KCNMA1: variants seen among roughly 807,000 people sequenced by gnomAD.
KCNMA1 encodes potassium calcium-activated channel subfamily M alpha 1.
KCNMA1 carries 29 observed loss-of-function variants against 140.0 expected under a neutral mutation model. The ratio of observed to expected loss-of-function variants is 0.21; its 90% CI spans 0.15 to 0.28. The LOEUF (loss-of-function observed/expected upper bound fraction) is 0.28. Ranked by LOEUF, KCNMA1 falls within the 10% of genes least tolerant of loss-of-function variation. KCNMA1 has a pLI of 1.00. For missense variants in KCNMA1, 880 were observed against 1,602.2 expected, an observed-to-expected ratio of 0.55 and a Z score of 7.70; for synonymous variants, 612 against 611.9, an observed-to-expected ratio of 1.00 and a Z score of 0.00.
chr10:77,517,357 A>G (rs975846639), intron 1 of KCNMA1, among the ~76,000 whole-genome samples: 4 of 152,178 alleles, frequency 2.6e-5, no homozygotes, highest in African/African-American at 9.7e-5. Context: ...TGAGCCTCTC[A>G]GGCCCCCTGG....
At chr10:77,634,596 G>C in intron 1 of KCNMA1, 7 of 985,174 alleles carry the variant, frequency 7.1e-6, no homozygotes, top group Non-Finnish European at 8.4e-6. Context: ...AACCATCTTG[G>C]GGCTGAAGGA....
Position 77,244,000 on chromosome 10 carries a change from GC to G in KCNMA1, c.602+7194del, listed in dbSNP as rs377743708. Among the ~76,000 whole-genome samples, 40 of 152,268 alleles carry G rather than the reference GC, an allele frequency of 2.6e-4. 1 individual carries two copies. The highest frequency in any genetic ancestry group is 8.9e-4 in the African/African-American group (37 of 41,556). On this transcript the variant is annotated intron_variant, in intron 3 of 27. Coordinates refer to ENST00000286628, the MANE Select transcript of KCNMA1 (RefSeq NM_001161352.2). ...GGGATTATCTTTGTTCTTTCCCATG[GC>G]CCTAAAGTTTCCCCCATGATAAGGG...
chr10:77,615,956 A>G (rs2089310331), intron 1 of KCNMA1, among the ~76,000 whole-genome samples: 1 of 152,114 alleles, frequency 6.6e-6, no homozygotes, highest in Non-Finnish European at 1.5e-5. Context: ...ATGCTATTAT[A>G]CTCACAAAAC....
chr10:77,328,873 C>T (rs950857566), intron 2 of KCNMA1, among the ~76,000 whole-genome samples: 9 of 152,036 alleles, frequency 5.9e-5, no homozygotes, highest in African/African-American at 2.2e-4. Flanking sequence ...TGGAGTCTTG[C>T]ACTGTCACCC....
intron 1 of KCNMA1, among the ~76,000 whole-genome samples, chr10:77,429,695 A>C (rs1199090302): frequency 1.3e-5 from 2 of 152,206 alleles, no homozygotes; most frequent in East Asian, 3.8e-4. Context: ...TTGACCTAAC[A>C]TCTTGCAAGC....
chr10:77,043,995 T>C (rs1594617961), intron 14 of KCNMA1, among the ~76,000 whole-genome samples: 1 of 152,218 alleles, frequency 6.6e-6, no homozygotes, highest in African/African-American at 2.4e-5. Flanking sequence ...ATTTTGTATG[T>C]GTATTTTATC....
intron 5 of KCNMA1, among the ~76,000 whole-genome samples, chr10:77,130,874 A>T (rs981620993): frequency 2.0e-5 from 3 of 152,198 alleles, no homozygotes; most frequent in Non-Finnish European, 4.4e-5. Context: ...AAAGAAAGAC[A>T]TATACACACA....
intron 1 of KCNMA1, among the ~76,000 whole-genome samples, chr10:77,540,481 C>T (rs150911226): frequency 3.9e-5 from 6 of 152,284 alleles, no homozygotes; most frequent in African/African-American, 1.4e-4. Context: ...TGATACCATA[C>T]TTATGGATAA....
At chr10:77,244,116 G>A (rs2058014794) in intron 3 of KCNMA1, among the ~76,000 whole-genome samples, 1 of 152,146 alleles carries the variant, frequency 6.6e-6, no homozygotes, top group African/African-American at 2.4e-5. Context: ...TCTGTATTTA[G>A]TAGAAAGAAC....
chr10:77,337,052 G>A (rs2089316233), intron 2 of KCNMA1, among the ~76,000 whole-genome samples: 3 of 152,206 alleles, frequency 2.0e-5, no homozygotes, highest in African/African-American at 7.2e-5. Context: ...GTGCTGGGAT[G>A]AGAACATGCT....
intron 10 of KCNMA1, among the ~76,000 whole-genome samples, chr10:77,087,304 T>G (rs1790152777): frequency 6.6e-6 from 1 of 152,176 alleles, no homozygotes; most frequent in Non-Finnish European, 1.5e-5. Flanking sequence ...AGCCAATTCT[T>G]CCTAATAAAT....
chr10:77,425,438 T>C (rs1365011808), intron 1 of KCNMA1, among the ~76,000 whole-genome samples: 1 of 152,102 alleles, frequency 6.6e-6, no homozygotes, highest in East Asian at 1.9e-4. Context: ...CCTTCATGTT[T>C]GTCCACAGTG....
Position 76,949,198 on chromosome 10 carries a change from A to G in KCNMA1, c.2653T>C (p.Tyr885His). The G allele has an allele frequency of 6.2e-7, 1 of 1,614,174 alleles. No homozygotes were observed. Among genetic ancestry groups the G allele is most frequent in the Non-Finnish European group, 8.5e-7 (1 of 1,180,024 alleles). ...KHIVFVGSIE[Y>H]LKREWETLHN... is the part of the protein sequence containing the mutation. ...AGCGTCTCCCATTCCCGCTTGAGGT[A>G]CTCAATAGAGCCCACAAACACAATG... The change falls in exon 22 of 28, where the codon TAC becomes CAC. Residue 885 changes from tyrosine to histidine, a missense_variant. By Grantham distance (83) the Tyr-to-His change is moderately conservative. Around this residue, in one of 13 missense-constraint regions of KCNMA1, gnomAD observed 82 missense variants for 170.1 expected, o/e 0.48. Coordinates refer to ENST00000286628, the MANE Select transcript of KCNMA1 (RefSeq NM_001161352.2).
At chr10:77,449,875 C>A (rs10824548) in intron 1 of KCNMA1, among the ~76,000 whole-genome samples, 20,294 of 151,858 alleles carry the variant, frequency 0.13, 1,509 homozygotes, top group African/African-American at 0.21. Context: ...ATCTCCTGAC[C>A]TCATGATCCA....
intron 1 of KCNMA1, among the ~76,000 whole-genome samples, chr10:77,483,597 G>A (rs111850111): frequency 6.6e-6 from 1 of 152,200 alleles, no homozygotes; most frequent in Non-Finnish European, 1.5e-5. Context: ...CATGAGAAGA[G>A]AGCAGACTTC....
chr10:77,060,185 AT>A (rs35394873), intron 14 of KCNMA1, among the ~76,000 whole-genome samples: 17,891 of 152,084 alleles, frequency 0.12, 1,333 homozygotes, highest in Non-Finnish European at 0.17. Flanking sequence ...CACAGGAGGA[AT>A]TTTTTTTAGG....
intron 1 of KCNMA1, among the ~76,000 whole-genome samples, chr10:77,617,582 G>A (rs2090026288): frequency 6.6e-6 from 1 of 152,164 alleles, no homozygotes; most frequent in Non-Finnish European, 1.5e-5. Context: ...GAGGGTAAGA[G>A]TTAACAATCT....
At chr10:77,156,712 T>C (rs1463456183) in intron 5 of KCNMA1, among the ~76,000 whole-genome samples, 1 of 152,206 alleles carries the variant, frequency 6.6e-6, no homozygotes, top group East Asian at 1.9e-4. Context: ...CTCTTGTAAA[T>C]AACATCACTA....
At chr10:76,979,292 G>A (rs2078674841) in intron 19 of KCNMA1, among the ~76,000 whole-genome samples, 2 of 152,240 alleles carry the variant, frequency 1.3e-5, no homozygotes, top group South Asian at 4.1e-4. Context: ...TCAGGAATCT[G>A]AGATTTGCCA....
Sources: gnomAD v4.1 joint callset for allele counts (sites outside exome capture counted in the v4.1 genomes callset) on GRCh38, gnomAD v4.1.1 for gene constraint, gnomAD v4.1.1 regional missense constraint, MANE v1.5 for transcripts, NCBI Gene and HGNC (gene_info 2026-07-23, HGNC 2026-07-21) for gene names.